The following WWOX variants were observed in gnomAD, a reference collection of about 807,000 sequenced individuals.
WWOX encodes the protein WW domain-containing oxidoreductase.
Under a neutral mutation model 46.2 loss-of-function variants are expected in WWOX, and 69 were observed. That is an observed-to-expected ratio of 1.49 (90% CI 1.23 to 1.82). WWOX has a LOEUF of 1.82. Ranked by LOEUF, WWOX falls within the 40% of genes most tolerant of loss-of-function variation. WWOX has a pLI of 0.00. For synonymous variants in WWOX, 359 were observed against 202.6 expected (o/e 1.77, Z -6.56); for missense variants, 919 against 542.6 (o/e 1.69, Z -6.89).
chr16:79,166,787 A>G (rs185817889), intron 8 of WWOX, among the ~76,000 whole-genome samples: 3 of 152,152 alleles, frequency 2.0e-5, no homozygotes, highest in Non-Finnish European at 2.9e-5. Flanking sequence ...ATTCTTTAGT[A>G]TATATCTTGT....
At chr16:79,186,073 G>A (rs962670568) in intron 8 of WWOX, among the ~76,000 whole-genome samples, 1 of 152,048 alleles carries the variant, frequency 6.6e-6, no homozygotes, top group East Asian at 1.9e-4. Flanking sequence ...AAAAAATGAT[G>A]TTGGGTGTTT....
At chr16:79,175,300 C>T (rs1017529867) in intron 8 of WWOX, among the ~76,000 whole-genome samples, 3 of 152,204 alleles carry the variant, frequency 2.0e-5, no homozygotes, top group African/African-American at 7.2e-5. Flanking sequence ...CATAAGAAAG[C>T]CTATATACTC....
chr16:78,863,266 A>C (rs916794860), intron 8 of WWOX, among the ~76,000 whole-genome samples: 1 of 152,132 alleles, frequency 6.6e-6, no homozygotes, highest in African/African-American at 2.4e-5. Context: ...CCAGCCAAGT[A>C]AGTTTTAACT....
chr16:78,982,371 C>T (rs1019431335), intron 8 of WWOX, among the ~76,000 whole-genome samples: 2 of 152,198 alleles, frequency 1.3e-5, no homozygotes, highest in African/African-American at 4.8e-5. Context: ...AGTCATAGTA[C>T]AGCGTGCCAT....
chr16:78,920,086 A>G (rs2045344572), intron 8 of WWOX, among the ~76,000 whole-genome samples: 1 of 152,122 alleles, frequency 6.6e-6, no homozygotes, highest in Admixed American at 6.6e-5. Flanking sequence ...ATAGCTTGCA[A>G]AAACAAAGAC....
chr16:78,671,509 T>C (rs2047463012), intron 8 of WWOX, among the ~76,000 whole-genome samples: 1 of 152,204 alleles, frequency 6.6e-6, no homozygotes, highest in African/African-American at 2.4e-5. Flanking sequence ...ATAGATAACT[T>C]GTGATGGTTT....
chr16:79,033,008 G>T (rs1000907360), intron 8 of WWOX, among the ~76,000 whole-genome samples: 2 of 151,566 alleles, frequency 1.3e-5, no homozygotes, highest in Non-Finnish European at 2.9e-5. Flanking sequence ...TTATAAGTGA[G>T]AACATATGGT....
chr16:79,036,238 C>T (rs1007947682), intron 8 of WWOX, among the ~76,000 whole-genome samples: 2 of 152,228 alleles, frequency 1.3e-5, no homozygotes, highest in Non-Finnish European at 2.9e-5. Context: ...CCCACTCTGT[C>T]AACCATGCCA....
chr16:78,900,077 TTTC>T (rs548466249), intron 8 of WWOX, among the ~76,000 whole-genome samples: 3,955 of 120,110 alleles, frequency 0.033, 161 homozygotes, highest in East Asian at 0.23. Context: ...TTTTTTTTTT[TTTC>T]CTGCAGAGAG....
intron 8 of WWOX, among the ~76,000 whole-genome samples, chr16:78,690,840 C>T (rs763183030): frequency 5.9e-5 from 9 of 152,186 alleles, no homozygotes; most frequent in Non-Finnish European, 1.2e-4. Context: ...GCTCCAGCAG[C>T]CTACCCAGGA....
At chr16:78,685,626 A>G (rs1208148978) in intron 8 of WWOX, among the ~76,000 whole-genome samples, 1 of 152,232 alleles carries the variant, frequency 6.6e-6, no homozygotes, top group Non-Finnish European at 1.5e-5. Context: ...ATGGCCATAT[A>G]TGTTTTGCTT....
chr16:78,893,448 G>A (rs1188433727), intron 8 of WWOX, among the ~76,000 whole-genome samples: 3 of 151,950 alleles, frequency 2.0e-5, no homozygotes, highest in Non-Finnish European at 4.4e-5. Flanking sequence ...TTATTTTTCT[G>A]TTGCTACTTA....
intron 8 of WWOX, among the ~76,000 whole-genome samples, chr16:78,583,517 G>A (rs1222360711): frequency 6.6e-6 from 1 of 152,160 alleles, no homozygotes; most frequent in African/African-American, 2.4e-5. Flanking sequence ...AATGTAATGT[G>A]GGATTGTAGG....
At chr16:78,127,091 G>T (rs1442093632) in intron 4 of WWOX, among the ~76,000 whole-genome samples, 1 of 152,196 alleles carries the variant, frequency 6.6e-6, no homozygotes, top group Non-Finnish European at 1.5e-5. Context: ...ACGTGACCTA[G>T]TTTTGAAACC....
chr16:78,816,332 G>C lies in WWOX; in HGVS notation c.1056+383580G>C, dbSNP rs1309409780. Among the ~76,000 whole-genome samples the C allele has an allele frequency of 2.0e-5, 3 of 151,852 alleles. 1 individual carries two copies. The highest frequency in any genetic ancestry group is 4.4e-5 in the Non-Finnish European group (3 of 67,994). ...TCACTTCATTTTTTCCTGATATATC[G>C]AGGACTCCAGATGTAACCTCATTGA... On this transcript the variant is annotated intron_variant, in intron 8 of 8. Transcript: ENST00000566780.
At chr16:78,497,916 CAG>C (rs2084956897) in intron 8 of WWOX, among the ~76,000 whole-genome samples, 1 of 151,336 alleles carries the variant, frequency 6.6e-6, no homozygotes, top group Non-Finnish European at 1.5e-5. Flanking sequence ...AACAAAGCAT[CAG>C]GGGGCTGGGA....
chr16:78,996,032 A>G (rs1396818536), intron 8 of WWOX, among the ~76,000 whole-genome samples: 1 of 152,192 alleles, frequency 6.6e-6, no homozygotes, highest in Admixed American at 6.5e-5. Context: ...CATTTCACTG[A>G]AAGAAGAGGG....
chr16:78,508,989 C>G (rs935188158), intron 8 of WWOX, among the ~76,000 whole-genome samples: 1 of 152,274 alleles, frequency 6.6e-6, no homozygotes, highest in Non-Finnish European at 1.5e-5. Context: ...CCAGCAGGAT[C>G]TCCCGTTAAA....
rs1388611087 is a variant in WWOX at position 78,697,208 on chromosome 16, G to C, written c.1056+264456G>C. Among the ~76,000 whole-genome samples, 3 of 152,280 alleles carry C rather than the reference G, an allele frequency of 2.0e-5. No homozygotes were observed. The East Asian group carries it at 5.8e-4, about 29-fold the overall frequency. Reference sequence around the variant, plus strand: ...AGTGGGATTGCTGGATCAAATGGTAGTTCTACTTTTAGTTCTTCAAGAACT... The same window carrying C: ...AGTGGGATTGCTGGATCAAATGGTACTTCTACTTTTAGTTCTTCAAGAACT... On this transcript the variant is annotated intron_variant, in intron 8 of 8. Coordinates refer to ENST00000566780, the MANE Select transcript of WWOX (RefSeq NM_016373.4).
Sources: gnomAD v4.1 joint callset for allele counts (sites outside exome capture counted in the v4.1 genomes callset) on GRCh38, gnomAD v4.1.1 for gene constraint, MANE v1.5 for transcripts, NCBI Gene and HGNC (gene_info 2026-07-23, HGNC 2026-07-21) for gene names.